The following CASR variants were observed in gnomAD, a reference collection of about 807,000 sequenced individuals.
CASR encodes extracellular calcium-sensing receptor.
Under a neutral mutation model 69.1 loss-of-function variants are expected in CASR, and 23 were observed. The observed-to-expected ratio is 0.33, with a 90% CI of 0.24 to 0.47. The LOEUF (loss-of-function observed/expected upper bound fraction) is 0.47. Ranked by LOEUF, CASR falls within the 20% of genes least tolerant of loss-of-function variation. CASR has a pLI of 1.00. For missense variants in CASR, 924 were observed against 1,356.1 expected, an observed-to-expected ratio of 0.68 and a Z score of 5.00; for synonymous variants, 541 against 544.7, an observed-to-expected ratio of 0.99 and a Z score of 0.10.
chr3:122,227,292 C>G (rs565006804), intron 1 of CASR, among the ~76,000 whole-genome samples: 1 of 152,052 alleles, frequency 6.6e-6, no homozygotes, highest in Non-Finnish European at 1.5e-5. Flanking sequence ...GCTCCCGCCA[C>G]ACAGGAGCCC....
intron 3 of CASR, among the ~76,000 whole-genome samples, chr3:122,260,167 G>A (rs540188004): frequency 6.6e-6 from 1 of 152,282 alleles, no homozygotes; most frequent in South Asian, 2.1e-4. Flanking sequence ...TCAAGTGTTG[G>A]GGTGACCAGG....
intron 4 of CASR, among the ~76,000 whole-genome samples, chr3:122,266,407 C>G (rs538472335): frequency 6.0e-5 from 9 of 151,238 alleles, no homozygotes; most frequent in Non-Finnish European, 8.9e-5. Context: ...ATGTTATGTT[C>G]TATGTTCAGA....
Position 122,285,729 on chromosome 3 carries a change from C to G in CASR, c.*538C>G, listed in dbSNP as rs200386820. ...ACCTGCTGCTGCTATTATGTAACAT[C>G]CAGAAGGTTTGCACCCCTCCTATAC... On this transcript the variant is annotated 3_prime_UTR_variant, in exon 7 of 7. Coordinates refer to ENST00000639785, the MANE Select transcript of CASR (RefSeq NM_000388.4). 1.1e-5 allele frequency: 2 copies of G among 174,440 alleles called. No homozygotes were observed. The highest frequency in any genetic ancestry group is 2.5e-5 in the Non-Finnish European group (2 of 79,558). The allele number at this position is 174,440 out of a possible 1,614,324, so 10.8% of individuals were successfully genotyped here.
intron 4 of CASR, among the ~76,000 whole-genome samples, chr3:122,263,132 A>T (rs1232320462): frequency 6.6e-6 from 1 of 152,186 alleles, no homozygotes; most frequent in Non-Finnish European, 1.5e-5. Flanking sequence ...CGGGTCTTGC[A>T]TATGTGCCTT....
intron 1 of CASR, among the ~76,000 whole-genome samples, chr3:122,242,564 T>C (rs964466346): frequency 7.2e-5 from 11 of 152,286 alleles, no homozygotes; most frequent in Admixed American, 2.0e-4. Flanking sequence ...TATTCATGGA[T>C]TGGAAGAATC....
chr3:122,233,283 C>G (rs1322136346), intron 1 of CASR, among the ~76,000 whole-genome samples: 1 of 152,222 alleles, frequency 6.6e-6, no homozygotes, highest in Non-Finnish European at 1.5e-5. Flanking sequence ...ATGTCCTGTC[C>G]AAGCACAGGG....
intron 2 of CASR, among the ~76,000 whole-genome samples, chr3:122,255,568 TG>T (rs1301345714): frequency 6.6e-6 from 1 of 152,228 alleles, no homozygotes; most frequent in East Asian, 1.9e-4. Context: ...TGCACAGAGC[TG>T]TACATGTGCC....
chr3:122,259,877 A>G (rs2074600323), intron 3 of CASR, among the ~76,000 whole-genome samples: 1 of 152,206 alleles, frequency 6.6e-6, no homozygotes, highest in Non-Finnish European at 1.5e-5. Context: ...AATATTGGAC[A>G]TGGAAAATTA....
chr3:122,224,184 C>T (rs1390446210), intron 1 of CASR, among the ~76,000 whole-genome samples: 1 of 152,136 alleles, frequency 6.6e-6, no homozygotes, highest in Non-Finnish European at 1.5e-5. Flanking sequence ...ACTGGAAATC[C>T]TAGCCAGTGC....
rs1035322665 is a variant in CASR, at chr3:122,289,215, G to A, written c.*4024G>A. 2.6e-5 allele frequency: 4 copies of A among 152,200 alleles called. No homozygotes were observed. The highest frequency in any genetic ancestry group is 6.5e-5 in the Admixed American group (1 of 15,284). 9.4% of individuals were successfully genotyped at this position (152,200 alleles called of 1,614,324 possible). A position where few individuals can be genotyped will look rare whatever the true frequency, so the allele number is the denominator to read the frequency against. On this transcript the variant is annotated 3_prime_UTR_variant, in exon 7 of 7. Transcript: ENST00000639785. ...ACATCAATAAGGGGTGCTAATCACC[G>A]GAGGAGGTGGCCCTCATTTGTCTGA...
In CASR at chr3:122,252,419, A is replaced by AAG. The variant is rs1197607931; in HGVS notation, c.-242-1527_-242-1526dup. 2.9e-4 allele frequency among the ~76,000 whole-genome samples: 17 copies of AAG among 59,560 alleles called. 1 individual carries two copies. The highest frequency in any genetic ancestry group is 1.3e-3 in the Admixed American group (9 of 6,850). The allele number at this position is 59,560 out of a possible 152,430, so 39.1% of individuals were successfully genotyped here. On this transcript the variant is annotated intron_variant, in intron 1 of 6. Coordinates refer to ENST00000639785, the MANE Select transcript of CASR (RefSeq NM_000388.4). ...GGAAGGAAGGAAGGAAAAAGAAAGAAAGAAAGAAAGAAAGAAAGAAAGAAA... is the reference window on the plus strand; with the variant it reads ...GGAAGGAAGGAAGGAAAAAGAAAGAAAGAGAAAGAAAGAAAGAAAGAAAGAAA...
intron 1 of CASR, among the ~76,000 whole-genome samples, chr3:122,228,520 G>C (rs867485033): frequency 6.6e-5 from 10 of 152,096 alleles, no homozygotes; most frequent in African/African-American, 2.4e-4. Context: ...AATTAATCTG[G>C]ACTTCTTCAA....
At chr3:122,261,488 C>CACTA (rs751429319) in intron 3 of CASR, 40 bp from the exon 4 acceptor site, 14 of 1,599,510 alleles carry the variant, frequency 8.8e-6, no homozygotes, top group Non-Finnish European at 1.2e-5. Flanking sequence ...CCTCTTCACT[C>CACTA]ACTCACTCAC....
chr3:122,196,069 G>A (rs1004115404), intron 1 of CASR, among the ~76,000 whole-genome samples: 1 of 151,970 alleles, frequency 6.6e-6, no homozygotes, highest in African/African-American at 2.4e-5. Context: ...TTTGAAACAG[G>A]TTCTATGCCC....
intron 3 of CASR, among the ~76,000 whole-genome samples, chr3:122,261,176 G>A (rs1219096638): frequency 1.3e-5 from 2 of 152,238 alleles, no homozygotes; most frequent in South Asian, 4.1e-4. Context: ...GAGGAGGTTA[G>A]AGAAGACATG....
In CASR at chr3:122,282,246, C is replaced by A. The variant is rs201859314; in HGVS notation, c.1732+10C>A. The A allele has an allele frequency of 2.2e-5, 35 of 1,613,834 alleles. No individual in the cohort carries two copies. The highest frequency in any genetic ancestry group is 2.8e-5 in the Non-Finnish European group (33 of 1,179,880). ...TATAGTGATGAGACAGGTAAGGGAACCCCTCTTGGGCACTGTGCAGGGCTT... is the reference window on the plus strand; with the variant it reads ...TATAGTGATGAGACAGGTAAGGGAAACCCTCTTGGGCACTGTGCAGGGCTT... On this transcript the variant is annotated intron_variant, in intron 6 of 6. Transcript: ENST00000639785.
In CASR at chr3:122,284,854, T is replaced by A; in HGVS notation, c.2900T>A (p.Ile967Asn). The change falls in exon 7 of 7, where the codon ATC becomes AAC. Residue 967 changes from isoleucine (I) to asparagine (N), a missense_variant. Physicochemically the swap from Ile to Asn is moderately radical, Grantham distance 149 (BLOSUM62 -3). Coordinates refer to ENST00000639785, the MANE Select transcript of CASR (RefSeq NM_000388.4). ...QQQPRCKQKV[I>N]FGSGTVTFSL... is the part of the protein sequence containing the mutation. ...CAGCCCAGATGCAAGCAGAAGGTCA[T>A]CTTTGGCAGCGGCACGGTCACCTTC... 6.2e-7 allele frequency: 1 copy of A among 1,614,130 alleles called. No individual in the cohort carries two copies. The highest frequency in any genetic ancestry group is 1.3e-5 in the African/African-American group (1 of 75,016).
chr3:122,276,935 A>G (rs2074828324), intron 5 of CASR, among the ~76,000 whole-genome samples: 1 of 152,144 alleles, frequency 6.6e-6, no homozygotes, highest in Non-Finnish European at 1.5e-5. Context: ...AAGAACACAG[A>G]TCCTAGACAG....
chr3:122,195,301 G>T (rs2073878739), intron 1 of CASR, among the ~76,000 whole-genome samples: 1 of 152,174 alleles, frequency 6.6e-6, no homozygotes, highest in South Asian at 2.1e-4. Flanking sequence ...GTTCAAAAGT[G>T]CTGGTTGTGT....
Sources: gnomAD v4.1 joint callset for allele counts (sites outside exome capture counted in the v4.1 genomes callset) on GRCh38, gnomAD v4.1.1 for gene constraint, MANE v1.5 for transcripts, NCBI Gene and HGNC (gene_info 2026-07-23, HGNC 2026-07-21) for gene names.